Variants in IL19 observed in about 807,000 individuals in gnomAD.
The protein encoded by IL19 is interleukin-19.
A neutral mutation model predicts 19.5 loss-of-function variants in IL19; 15 were observed. The ratio of observed to expected loss-of-function variants is 0.77; its 90% CI spans 0.52 to 1.19. IL19 has a LOEUF of 1.19. Among genes scored for constraint, IL19 ranks in the 50% most tolerant of loss-of-function variants. IL19 has a pLI of 0.00. For synonymous variants in IL19, 78 were observed against 78.3 expected, an observed-to-expected ratio of 1.00 and a Z score of 0.02; for missense variants, 199 against 213.1, an observed-to-expected ratio of 0.93 and a Z score of 0.41.
Position 206,825,758 on chromosome 1 carries a change from G to T in IL19, c.-2-10903G>T, listed in dbSNP as rs78505923. ...TTCATGTGGAACTCGCCAAAACCCC[G>T]TGCAGGTGGATGTGCGGAAACACCA... On this transcript the variant is annotated intron_variant, in intron 2 of 6. Coordinates refer to ENST00000659997, the MANE Select transcript of IL19 (RefSeq NM_153758.5). Among the ~76,000 whole-genome samples the T allele has an allele frequency of 1.2e-4, 18 of 152,308 alleles. No homozygotes were observed. The East Asian group carries it at 3.5e-3, about 29-fold the overall frequency.
At chr1:206,841,319 G>A (rs1677011074) in intron 6 of IL19, among the ~76,000 whole-genome samples, 1 of 152,174 alleles carries the variant, frequency 6.6e-6, no homozygotes, top group South Asian at 2.1e-4. Context: ...TATCAAGCCT[G>A]ACCTGTATGA....
At chr1:206,798,214 G>A (rs1314447441) in intron 1 of IL19, among the ~76,000 whole-genome samples, 2 of 152,064 alleles carry the variant, frequency 1.3e-5, no homozygotes, top group East Asian at 1.9e-4. Flanking sequence ...TCATAGGTGC[G>A]ATCATAGTGC....
chr1:206,789,182 G>T (rs1675336180), intron 1 of IL19, among the ~76,000 whole-genome samples: 1 of 152,192 alleles, frequency 6.6e-6, no homozygotes, highest in African/African-American at 2.4e-5. Flanking sequence ...TTCCATGAAG[G>T]TTGCTCTGGG....
chr1:206,781,410 G>T (rs1156914947), intron 1 of IL19, among the ~76,000 whole-genome samples: 2 of 84,422 alleles, frequency 2.4e-5, no homozygotes, highest in Non-Finnish European at 4.2e-5. Flanking sequence ...GCAAGACTCT[G>T]TCTCAAAAAA....
chr1:206,824,370 G>C (rs980053642), intron 2 of IL19, among the ~76,000 whole-genome samples: 2 of 152,212 alleles, frequency 1.3e-5, no homozygotes, highest in Admixed American at 1.3e-4. Context: ...TGTGAAAAAT[G>C]CCCTGGAGAT....
chr1:206,789,322 G>A (rs1675338679), intron 1 of IL19, among the ~76,000 whole-genome samples: 1 of 152,156 alleles, frequency 6.6e-6, no homozygotes, highest in African/African-American at 2.4e-5. Context: ...TACCCAACAG[G>A]TAATTTTAAA....
intron 1 of IL19, among the ~76,000 whole-genome samples, chr1:206,784,072 G>A (rs1675208280): frequency 6.6e-6 from 1 of 152,156 alleles, no homozygotes; most frequent in South Asian, 2.1e-4. Flanking sequence ...ATATTCTGAG[G>A]ATGTTACAGG....
chr1:206,834,761 G>C (rs1676727241), intron 2 of IL19, among the ~76,000 whole-genome samples: 1 of 152,102 alleles, frequency 6.6e-6, no homozygotes, highest in Non-Finnish European at 1.5e-5. Flanking sequence ...AGCATCACTG[G>C]TTCAGAAATG....
intron 5 of IL19, chr1:206,840,517 G>A (rs1233610346): frequency 4.5e-6 from 1 of 220,234 alleles, no homozygotes; most frequent in Non-Finnish European, 9.1e-6. Context: ...TTTCCTGTGA[G>A]ACTTTGTGGC....
At chr1:206,801,327 CA>C (rs1675703204) in intron 2 of IL19, among the ~76,000 whole-genome samples, 2 of 152,172 alleles carry the variant, frequency 1.3e-5, no homozygotes, top group Non-Finnish European at 2.9e-5. Context: ...TTGGAGATGA[CA>C]GATCTGCTCT....
At chr1:206,817,332 T>C (rs1676182710) in intron 2 of IL19, among the ~76,000 whole-genome samples, 2 of 152,182 alleles carry the variant, frequency 1.3e-5, no homozygotes, top group Admixed American at 6.5e-5. Context: ...AAAATAAATA[T>C]TGTCTTGAAG....
At chr1:206,785,584 A>G (rs904792910) in intron 1 of IL19, among the ~76,000 whole-genome samples, 21 of 152,198 alleles carry the variant, frequency 1.4e-4, no homozygotes, top group Non-Finnish European at 8.8e-5. Context: ...ATTTCAATGG[A>G]GGGCTTACAG....
intron 1 of IL19, among the ~76,000 whole-genome samples, chr1:206,776,427 G>GGTGT (rs2234655): frequency 0.021 from 3,047 of 148,416 alleles, 67 homozygotes; most frequent in Non-Finnish European, 0.025. Context: ...GAACTGCTGG[G>GGTGT]GTGTGTGTGT....
intron 2 of IL19, among the ~76,000 whole-genome samples, chr1:206,806,605 C>T (rs80038191): frequency 0.011 from 1,625 of 152,220 alleles, 17 homozygotes; most frequent in East Asian, 0.031. Context: ...ATACAATTCC[C>T]GGAACTCTCC....
In IL19 at chr1:206,806,021, C is replaced by T. The variant is rs148384297; in HGVS notation, c.-3+7015C>T. Among the ~76,000 whole-genome samples the T allele has an allele frequency of 3.3e-5, 5 of 152,312 alleles. No homozygotes were observed. The East Asian group carries it at 9.6e-4, about 29-fold the overall frequency. On this transcript the variant is annotated intron_variant, in intron 2 of 6. Transcript: ENST00000659997. ...TAGGGTGACATTCAGTATCTCCAGA[C>T]TCACATTCTCCCAGTTTACCAATCC...
At chr1:206,826,484 C>T (rs562562604) in intron 2 of IL19, among the ~76,000 whole-genome samples, 2 of 152,172 alleles carry the variant, frequency 1.3e-5, no homozygotes, top group African/African-American at 4.8e-5. Context: ...ATGCAGTCCT[C>T]GTCCCTGGCC....
chr1:206,792,032 G>A (rs1361488060), intron 1 of IL19, among the ~76,000 whole-genome samples: 1 of 152,172 alleles, frequency 6.6e-6, no homozygotes, highest in Non-Finnish European at 1.5e-5. Flanking sequence ...TTTAAGATGG[G>A]CAGTGCCACT....
chr1:206,789,799 C>T (rs1572549374), intron 1 of IL19, among the ~76,000 whole-genome samples: 2 of 152,194 alleles, frequency 1.3e-5, no homozygotes, highest in East Asian at 3.9e-4. Flanking sequence ...CATCAATGAG[C>T]TCCGACTTAC....
At chr1:206,836,520 T>C in intron 2 of IL19, 141 bp from the exon 3 acceptor site, 1 of 750,370 alleles carries the variant, frequency 1.3e-6, no homozygotes, top group Non-Finnish European at 2.2e-6. Flanking sequence ...CTGTAACTCC[T>C]CAAGGCTGAA....
Sources: allele counts gnomAD v4.1 joint callset (sites outside exome capture counted in the v4.1 genomes callset), GRCh38; gene constraint gnomAD v4.1.1; transcripts MANE v1.5; gene names NCBI Gene and HGNC (gene_info 2026-07-23, HGNC 2026-07-21).